XPOT: variants seen among roughly 807,000 people sequenced by gnomAD.
XPOT encodes exportin for tRNA.
In XPOT, 34 loss-of-function variants were observed where a neutral mutation model predicts 128.2. That is an observed-to-expected ratio of 0.27 (90% confidence interval 0.20 to 0.35). The LOEUF (loss-of-function observed/expected upper bound fraction) is 0.35, where lower values mean the gene tolerates loss of function less well. Among genes scored for constraint, XPOT ranks in the 10% least tolerant of loss-of-function variants. XPOT has a pLI of 1.00. For synonymous variants in XPOT, 348 were observed against 394.3 expected, an observed-to-expected ratio of 0.88 and a Z score of 1.39; for missense variants, 838 against 1,125.3, an observed-to-expected ratio of 0.74 and a Z score of 3.65.
At position 64,435,049 on chromosome 12, in the gene XPOT, AT is replaced by A. The variant is rs1257573040; in HGVS notation, c.2685+143del. On this transcript the variant is annotated intron_variant, in intron 21 of 24. Coordinates refer to ENST00000332707, the MANE Select transcript of XPOT (RefSeq NM_007235.6). ...TCAGATCAGGGTTCTTTTTTTAAAG[AT>A]TTATGATACCTTCTGGAGTTTTTAT... 4.4e-6 allele frequency: 3 copies of A among 679,534 alleles called. No homozygotes were observed. The African/African-American group carries it at 5.5e-5, about 13-fold the overall frequency. The allele number at this position is 679,534 out of a possible 1,614,324, so 42.1% of individuals were successfully genotyped here.
At chr12:64,432,778 C>T (rs1366957894) in intron 18 of XPOT, among the ~76,000 whole-genome samples, 3 of 151,990 alleles carry the variant, frequency 2.0e-5, no homozygotes, top group Non-Finnish European at 4.4e-5. Context: ...ACAAGAAAAA[C>T]CCTAAGAGTT....
chr12:64,440,378 T>G (rs2040315320), intron 23 of XPOT, among the ~76,000 whole-genome samples: 1 of 152,204 alleles, frequency 6.6e-6, no homozygotes, highest in South Asian at 2.1e-4. Flanking sequence ...CACTGATAGA[T>G]TCATTGGGGC....
At chr12:64,409,777 T>C in intron 1 of XPOT, 185 bp from the exon 2 acceptor site, 1 of 433,644 alleles carries the variant, frequency 2.3e-6, no homozygotes, top group Non-Finnish European at 4.1e-6. Context: ...ATTAGTGGAG[T>C]AGTTAGCAGA....
intron 5 of XPOT, among the ~76,000 whole-genome samples, chr12:64,418,436 A>T (rs1407568109): frequency 2.0e-5 from 3 of 152,200 alleles, no homozygotes; most frequent in South Asian, 2.1e-4. Flanking sequence ...CAGCCTCTCC[A>T]CCAGAGCCCT....
At chr12:64,429,590 G>A (rs551934498) in intron 16 of XPOT, among the ~76,000 whole-genome samples, 6 of 151,804 alleles carry the variant, frequency 4.0e-5, no homozygotes, top group Non-Finnish European at 8.8e-5. Flanking sequence ...CTACAGGTGC[G>A]CCACCACACC....
intron 15 of XPOT, 31 bp from the exon 16 acceptor site, chr12:64,428,016 GTTAT>G (rs1173770989): frequency 1.4e-6 from 2 of 1,395,264 alleles, no homozygotes; most frequent in Admixed American, 3.5e-5. Context: ...TTTGAGCACT[GTTAT>G]TAATTGTGAT....
At chr12:64,445,872 T>G (rs1170840402) in intron 24 of XPOT, among the ~76,000 whole-genome samples, 1 of 152,232 alleles carries the variant, frequency 6.6e-6, no homozygotes, top group African/African-American at 2.4e-5. Context: ...AGCAGGTAAC[T>G]TAGTGTATCA....
intron 1 of XPOT, among the ~76,000 whole-genome samples, chr12:64,406,746 A>G (rs1421044497): frequency 1.3e-5 from 2 of 152,040 alleles, no homozygotes; most frequent in Admixed American, 1.3e-4. Context: ...GGATTCTTAG[A>G]AACTCCGAAA....
intron 16 of XPOT, among the ~76,000 whole-genome samples, 153 bp downstream of exon 16, chr12:64,428,273 C>G (rs1444923868): frequency 2.6e-5 from 4 of 151,914 alleles, no homozygotes; most frequent in Non-Finnish European, 1.5e-5. Flanking sequence ...ATTCTGTTGA[C>G]ATAGTAAACA....
Position 64,410,063 on chromosome 12 carries a change from A to C in XPOT, c.28A>C (p.Asn10His). 1 of 1,613,942 alleles carries C rather than the reference A, an allele frequency of 6.2e-7. No individual in the cohort carries two copies. Among genetic ancestry groups the C allele is most frequent in the Admixed American group, 1.7e-5 (1 of 60,026 alleles). Residue 10 changes from asparagine (N) to histidine (H), a missense_variant, in exon 2 of 25, where the codon AAT becomes CAT. Physicochemically the swap from Asn to His is moderately conservative, Grantham distance 68. Coordinates refer to ENST00000332707, the MANE Select transcript of XPOT (RefSeq NM_007235.6). The stretch of plus-strand genomic sequence containing the variant: ...GGATGAACAGGCTCTATTAGGGCTA[A>C]ATCCAAATGCTGATTCAGACTTTAG... MDEQALLGL[N>H]PNADSDFRQR...
chr12:64,410,133 C>T, intron 2 of XPOT, 38 bp downstream of exon 2: 1 of 1,590,268 alleles, frequency 6.3e-7, no homozygotes. Context: ...AATCATGTCA[C>T]CACAGATTGG....
At chr12:64,434,721 G>A in intron 20 of XPOT, 73 bp from the exon 21 acceptor site, 1 of 1,545,298 alleles carries the variant, frequency 6.5e-7, no homozygotes, top group Admixed American at 1.7e-5. Context: ...GAAACTGGGA[G>A]TTGGTTTTCC....
intron 1 of XPOT, among the ~76,000 whole-genome samples, chr12:64,406,593 T>G (rs1017567305): frequency 3.3e-5 from 5 of 151,400 alleles, no homozygotes; most frequent in African/African-American, 1.2e-4. Flanking sequence ...GGTCTCGAAC[T>G]CCCGACCTCA....
At chr12:64,424,508 T>C in intron 11 of XPOT, 91 bp from the exon 12 acceptor site, 2 of 1,392,994 alleles carry the variant, frequency 1.4e-6, no homozygotes, top group Non-Finnish European at 1.9e-6. Context: ...AACGTGCAGG[T>C]TTGTTACATA....
chr12:64,436,687 C>T (rs372370337), intron 22 of XPOT, among the ~76,000 whole-genome samples: 86 of 151,946 alleles, frequency 5.7e-4, no homozygotes, highest in African/African-American at 2.0e-3. Flanking sequence ...CTCAAGTACT[C>T]TTCCCACTTC....
At chr12:64,410,634 T>C (rs192609863) in intron 2 of XPOT, among the ~76,000 whole-genome samples, 6 of 152,324 alleles carry the variant, frequency 3.9e-5, no homozygotes, top group Admixed American at 1.3e-4. Flanking sequence ...ATTAGTGATA[T>C]TTAACTTTCT....
At chr12:64,410,508 G>A (rs914000236) in intron 2 of XPOT, among the ~76,000 whole-genome samples, 1 of 151,708 alleles carries the variant, frequency 6.6e-6, no homozygotes, top group Non-Finnish European at 1.5e-5. Context: ...TTTTTCTAGA[G>A]ATAGGGTTTC....
chr12:64,442,088 G>GGA (rs1555200650), intron 23 of XPOT, among the ~76,000 whole-genome samples: 1 of 151,830 alleles, frequency 6.6e-6, no homozygotes, highest in African/African-American at 2.4e-5. Context: ...GTGGGGGGGG[G>GGA]ACCCTTTTAT....
At chr12:64,423,901 C>G (rs1166395334) in intron 11 of XPOT, among the ~76,000 whole-genome samples, 1 of 152,068 alleles carries the variant, frequency 6.6e-6, no homozygotes, top group Non-Finnish European at 1.5e-5. Context: ...ATGAGGCGCT[C>G]TAGACTTGTT....
Sources: gnomAD v4.1 joint callset for allele counts (sites outside exome capture counted in the v4.1 genomes callset) on GRCh38, gnomAD v4.1.1 for gene constraint, MANE v1.5 for transcripts, NCBI Gene and HGNC (gene_info 2026-07-23, HGNC 2026-07-21) for gene names.